PPP2R2A: variants seen among roughly 807,000 people sequenced by gnomAD.
The protein encoded by PPP2R2A is serine/threonine-protein phosphatase 2A 55 kDa regulatory subunit B alpha isoform.
A neutral mutation model predicts 53.2 loss-of-function variants in PPP2R2A; 9 were observed. The observed-to-expected ratio is 0.17, with a 90% CI of 0.10 to 0.30. The LOEUF (loss-of-function observed/expected upper bound fraction) is 0.30. Ranked by LOEUF, PPP2R2A falls within the 10% of genes least tolerant of loss-of-function variation. The pLI is 1.00. For missense variants in PPP2R2A, 235 were observed against 534.6 expected (o/e 0.44, Z 5.53); for synonymous variants, 169 against 174.2 (o/e 0.97, Z 0.23).
chr8:26,322,802 C>T lies in PPP2R2A; in HGVS notation c.83-16088C>T, dbSNP rs555916442. Among the ~76,000 whole-genome samples the T allele has an allele frequency of 1.6e-4, 25 of 152,322 alleles. No homozygotes were observed. In the Middle Eastern group the frequency reaches 0.014, roughly 83 times the overall value. ...CAGACCGTCAGAACGGTGGTTTCAA[C>T]TTAGTTCAATTCCAGAGCTTCCCCT... On this transcript the variant is annotated intron_variant, in intron 2 of 9. Coordinates refer to ENST00000380737, the MANE Select transcript of PPP2R2A (RefSeq NM_002717.4).
Position 26,360,989 on chromosome 8 carries a change from C to T in PPP2R2A, c.475C>T (p.Pro159Ser). The T allele has an allele frequency of 8.7e-6, 14 of 1,602,426 alleles. No homozygotes were observed. The highest frequency in any genetic ancestry group is 1.8e-5 in the Admixed American group (1 of 55,860). Residue 159 changes from proline (P) to serine (S), a missense_variant, in exon 6 of 10, where the codon CCT becomes TCT. This residue lies in a region of PPP2R2A where 181 missense variants were observed against 409.9 expected (regional missense o/e 0.44). Transcript: ENST00000380737. This position sits in a 1 kb window ranked among gnomAD's most constrained non-coding sequence, Gnocchi z 4.5. ...VTTLRVPVFR[P>S]MDLMVEASPR... is the part of the protein sequence containing the mutation. ...TTATTGACAGGTGCCAGTCTTTAGG[C>T]CTATGGATCTAATGGTTGAGGCCAG...
chr8:26,339,397 A>C (rs1803828009), intron 3 of PPP2R2A, among the ~76,000 whole-genome samples: 1 of 152,148 alleles, frequency 6.6e-6, no homozygotes, highest in Non-Finnish European at 1.5e-5. Context: ...TTTAAAGAAA[A>C]AGCAGCTCAA....
At chr8:26,314,874 C>CT (rs1246907942) in intron 2 of PPP2R2A, among the ~76,000 whole-genome samples, 24 of 96,364 alleles carry the variant, frequency 2.5e-4, no homozygotes, top group African/African-American at 6.6e-4. Context: ...TACTGGTCCT[C>CT]TTTTTTTTTC....
At chr8:26,359,696 T>C (rs1267704413) in intron 4 of PPP2R2A, among the ~76,000 whole-genome samples, 2 of 152,130 alleles carry the variant, frequency 1.3e-5, no homozygotes, top group East Asian at 1.9e-4. Context: ...GTGGAATCTT[T>C]GATAGGCTCT....
Position 26,321,525 on chromosome 8 carries a change from A to G in PPP2R2A, c.83-17365A>G, listed in dbSNP as rs574860446. On this transcript the variant is annotated intron_variant, in intron 2 of 9. Coordinates refer to ENST00000380737, the MANE Select transcript of PPP2R2A (RefSeq NM_002717.4). The surrounding 1 kb of genome is among the most constrained non-coding windows in gnomAD (Gnocchi z 4.1). Reference sequence around the variant, plus strand: ...GATGCTGCTTCAGAGGTTAGGTTACAGAAAGGTTTTGGCATCCATGTTGGG... The same window carrying G: ...GATGCTGCTTCAGAGGTTAGGTTACGGAAAGGTTTTGGCATCCATGTTGGG... Among the ~76,000 whole-genome samples the G allele has an allele frequency of 2.0e-5, 3 of 152,228 alleles. No individual in the cohort carries two copies. The East Asian group carries it at 5.8e-4, about 29-fold the overall frequency.
intron 1 of PPP2R2A, chr8:26,293,228 A>C (rs1256725343): frequency 1.3e-6 from 2 of 1,535,356 alleles, no homozygotes; most frequent in African/African-American, 2.7e-5. Context: ...ATGAATCATT[A>C]CTCCTTACCC....
chr8:26,333,208 G>A (rs191352601), intron 2 of PPP2R2A, among the ~76,000 whole-genome samples: 148 of 152,298 alleles, frequency 9.7e-4, no homozygotes, highest in East Asian at 7.7e-4. Flanking sequence ...GATAGTAAAT[G>A]TTTCCAGTCT....
chr8:26,293,212 G>A, intron 1 of PPP2R2A: 1 of 1,534,492 alleles, frequency 6.5e-7, no homozygotes, highest in Middle Eastern at 1.7e-4. Context: ...TGGTGATAAG[G>A]TTCATATGAA....
intron 1 of PPP2R2A, 52 bp from the exon 2 acceptor site, chr8:26,293,614 A>G: frequency 6.5e-7 from 1 of 1,527,992 alleles, no homozygotes; most frequent in South Asian, 1.1e-5. Context: ...TGTGTTTACG[A>G]GAGTCAACAT....
chr8:26,326,938 TC>T (rs1803119128), intron 2 of PPP2R2A, among the ~76,000 whole-genome samples: 1 of 152,246 alleles, frequency 6.6e-6, no homozygotes, highest in Non-Finnish European at 1.5e-5. Flanking sequence ...TGTTTATCTT[TC>T]TGTTCTTGGT....
intron 3 of PPP2R2A, among the ~76,000 whole-genome samples, chr8:26,353,974 G>A (rs957755059): frequency 1.3e-5 from 2 of 152,136 alleles, no homozygotes; most frequent in African/African-American, 2.4e-5. Context: ...TTTCAGCAGC[G>A]AAATAACCAA....
intron 2 of PPP2R2A, among the ~76,000 whole-genome samples, chr8:26,336,721 T>A (rs533879960): frequency 2.1e-4 from 32 of 151,956 alleles, no homozygotes; most frequent in South Asian, 1.7e-3. Flanking sequence ...TACAAAAAAA[T>A]TTTTTAAAAA....
chr8:26,341,655 A>G (rs1803948569), intron 3 of PPP2R2A, among the ~76,000 whole-genome samples: 1 of 152,168 alleles, frequency 6.6e-6, no homozygotes, highest in African/African-American at 2.4e-5. Context: ...ACTGGTGCCT[A>G]ATGTTTCTTA....
chr8:26,352,874 C>G (rs1198966612), intron 3 of PPP2R2A, among the ~76,000 whole-genome samples: 2 of 152,190 alleles, frequency 1.3e-5, no homozygotes, highest in Non-Finnish European at 2.9e-5. Context: ...TAACCAGTTT[C>G]TACTTTGACT....
At chr8:26,368,988 G>A in intron 9 of PPP2R2A, among the ~76,000 whole-genome samples, 1 of 151,542 alleles carries the variant, frequency 6.6e-6, no homozygotes, top group East Asian at 2.0e-4. Flanking sequence ...GACGCCTGTA[G>A]TCCCAGCTAC....
rs1404374346 is a variant in PPP2R2A at position 26,371,354 on chromosome 8, A to C, written c.*941A>C. 8.8e-6 allele frequency: 1 copy of C among 113,824 alleles called. No individual in the cohort carries two copies. The highest frequency in any genetic ancestry group is 2.8e-5 in the African/African-American group (1 of 35,754). 7.1% of individuals were successfully genotyped at this position (113,824 alleles called of 1,614,324 possible). The stretch of plus-strand genomic sequence containing the variant: ...GATTTCACAATCTATAAATGCTACT[A>C]GTTTTTTTTTTTTTTTTTACCATCA... On this transcript the variant is annotated 3_prime_UTR_variant, in exon 10 of 10. Coordinates refer to ENST00000380737, the MANE Select transcript of PPP2R2A (RefSeq NM_002717.4).
chr8:26,293,390 C>CT, intron 1 of PPP2R2A: 1 of 950,938 alleles, frequency 1.1e-6, no homozygotes, highest in African/African-American at 1.7e-5. Flanking sequence ...GAATGTAAGG[C>CT]TTTTACTGTA....
At position 26,360,900 on chromosome 8, in the gene PPP2R2A, AG is replaced by A. The variant is rs781071612; in HGVS notation, c.460-73del. 4,519 of 1,397,702 alleles carry A rather than the reference AG, an allele frequency of 3.2e-3. 10 individuals carry two copies. The highest frequency in any genetic ancestry group is 4.0e-3 in the Non-Finnish European group (4,085 of 1,028,246). The allele number at this position is 1,397,702 out of a possible 1,614,324, so 86.6% of individuals were successfully genotyped here. On this transcript the variant is annotated intron_variant, in intron 5 of 9. Coordinates refer to ENST00000380737, the MANE Select transcript of PPP2R2A (RefSeq NM_002717.4). This position sits in a 1 kb window ranked among gnomAD's most constrained non-coding sequence, Gnocchi z 4.5. Reference sequence around the variant, plus strand: ...ATGTTCTCAAAAACTGAAATAATGAAGTTTTCTGAATCTTAATTGCTATTTG... The same window carrying A: ...ATGTTCTCAAAAACTGAAATAATGAATTTTCTGAATCTTAATTGCTATTTG...
intron 2 of PPP2R2A, among the ~76,000 whole-genome samples, chr8:26,299,674 A>C (rs1801694959): frequency 6.6e-6 from 1 of 152,006 alleles, no homozygotes; most frequent in East Asian, 1.9e-4. Context: ...CATATGTTTA[A>C]TGCTATAATG....
Sources: gnomAD v4.1 joint callset for allele counts (sites outside exome capture counted in the v4.1 genomes callset) on GRCh38, gnomAD v4.1.1 for gene constraint, gnomAD v4.1.1 regional missense constraint, Gnocchi (gnomAD v3.1) non-coding constraint, MANE v1.5 for transcripts, NCBI Gene and HGNC (gene_info 2026-07-23, HGNC 2026-07-21) for gene names.